Variants in BRF1 observed in about 807,000 individuals in gnomAD.
The protein encoded by BRF1 is transcription factor IIIB 90 kDa subunit.
BRF1 carries 59 observed loss-of-function variants against 81.7 expected under a neutral mutation model. That is an observed-to-expected ratio of 0.72 (90% CI 0.59 to 0.90). The LOEUF (loss-of-function observed/expected upper bound fraction) is 0.90, where lower values mean the gene tolerates loss of function less well. BRF1 is among the 40% of genes least tolerant of loss of function. The pLI is 0.00. For missense variants in BRF1, 1,050 were observed against 936.3 expected (o/e 1.12, Z -1.58); for synonymous variants, 491 against 395.6 (o/e 1.24, Z -2.86).
At chr14:105,250,870 G>C (rs2055566853) in intron 5 of BRF1, 1 of 628,230 alleles carries the variant, frequency 1.6e-6, no homozygotes, top group East Asian at 2.8e-5. Flanking sequence ...CTGGTACAGT[G>C]GGGTGCACGT....
upstream of BRF1, among the ~76,000 whole-genome samples, chr14:105,304,343 G>A (rs2058117470): frequency 6.6e-6 from 1 of 152,026 alleles, no homozygotes; most frequent in South Asian, 2.1e-4. Context: ...ACAAAAATTA[G>A]CAGGTGTGAT....
intron 14 of BRF1, 106 bp from the exon 15 acceptor site, chr14:105,217,906 A>C: frequency 1.3e-6 from 2 of 1,518,752 alleles, no homozygotes; most frequent in Non-Finnish European, 1.8e-6. Flanking sequence ...GGCCTGGCTC[A>C]GGCCCTCAGA....
intron 2 of BRF1, among the ~76,000 whole-genome samples, chr14:105,274,242 T>C (rs934088492): frequency 9.2e-5 from 14 of 152,106 alleles, no homozygotes; most frequent in Non-Finnish European, 1.6e-4. Context: ...CTCCCCACTA[T>C]CACCCTGCTC....
In BRF1 at chr14:105,211,821, A is replaced by C. The variant is rs1261875058; in HGVS notation, c.1824+292T>G. The C allele has an allele frequency of 6.0e-6, 3 of 504,088 alleles. No individual in the cohort carries two copies. The East Asian group carries it at 1.1e-4, about 18-fold the overall frequency. The allele number at this position is 504,088 out of a possible 1,614,324, so 31.2% of individuals were successfully genotyped here. Reference sequence around the variant, plus strand: ...TGACCTGGCAGTGCCTGCTTCCTACATACAGGCTCCCTGCAGGCACCAGGC... The same window carrying C: ...TGACCTGGCAGTGCCTGCTTCCTACCTACAGGCTCCCTGCAGGCACCAGGC... On this transcript the variant is annotated intron_variant, in intron 16 of 17. Coordinates refer to ENST00000547530, the MANE Select transcript of BRF1 (RefSeq NM_001519.4).
At chr14:105,305,134 C>T (rs956929606), upstream of BRF1, among the ~76,000 whole-genome samples, 6 of 152,172 alleles carry the variant, frequency 3.9e-5, no homozygotes, top group African/African-American at 1.4e-4. Context: ...GGCACAGTGG[C>T]TCACATCTGT....
At chr14:105,241,115 G>A (rs1224226789) in intron 6 of BRF1, 150 bp downstream of exon 6, 4 of 1,284,244 alleles carry the variant, frequency 3.1e-6, no homozygotes, top group Middle Eastern at 2.8e-4. Context: ...GAGGACCCCG[G>A]TGGGCCAGGC....
intron 7 of BRF1, chr14:105,226,961 AAAAT>A: frequency 1.5e-6 from 1 of 657,002 alleles, no homozygotes; most frequent in East Asian, 3.1e-5. Flanking sequence ...AAAAAAAAAA[AAAAT>A]TAGCCACGCA....
intron 1 of BRF1, among the ~76,000 whole-genome samples, chr14:105,293,468 C>T (rs755416216): frequency 1.3e-5 from 2 of 152,234 alleles, no homozygotes; most frequent in Admixed American, 6.5e-5. Context: ...TTGCACAGGA[C>T]GAGGAGGGAC....
At position 105,226,763 on chromosome 14, in the gene BRF1, AAAATGGAGCCAGACATGGG is replaced by A; in HGVS notation, c.789-22_789-4del. The A allele has an allele frequency of 6.2e-7, 1 of 1,613,404 alleles. No homozygotes were observed. The highest frequency in any genetic ancestry group is 1.7e-4 in the Middle Eastern group (1 of 6,060). The stretch of plus-strand genomic sequence containing the variant: ...GGGTGTCTTCAAATTCCGTGAGCCT[AAAATGGAGCCAGACATGGG>A]AAATGGAGCTGGTGGCTCTGAAACC... On this transcript the variant is annotated splice_region_variant and splice_polypyrimidine_tract_variant and intron_variant, in intron 7 of 17. Transcript: ENST00000547530.
At position 105,241,327 on chromosome 14, in the gene BRF1, A is replaced by C. The variant is rs1266832350; in HGVS notation, c.632T>G (p.Leu211Arg). The C allele has an allele frequency of 1.2e-6, 2 of 1,612,762 alleles. No homozygotes were observed. Among genetic ancestry groups the C allele is most frequent in the Non-Finnish European group, 1.7e-6 (2 of 1,179,926 alleles). ...CATCCAGTCCCGCTTCATCCTCTGT[A>C]GGAGCCTCAGGGCAGTCATGGACAC... ...HEVSMTALRLLQRMKRDWMHT... is the reference protein window; with the variant it reads ...HEVSMTALRLRQRMKRDWMHT... Residue 211 changes from leucine (L) to arginine (R), a missense_variant, in exon 6 of 18, where the codon CTA (leucine) becomes CGA (arginine). Leu to Arg is a moderately radical substitution (Grantham distance 102). Transcript: ENST00000547530.
In BRF1 at chr14:105,209,704, C is replaced by T. The variant is rs959906682; in HGVS notation, c.*847G>A. Reference sequence around the variant, plus strand: ...GAGCGCCACTGCCCTCTGGCTCTGTCCACGGGGAACTCCCAGCGCCAGGAC... The same window carrying T: ...GAGCGCCACTGCCCTCTGGCTCTGTTCACGGGGAACTCCCAGCGCCAGGAC... On this transcript the variant is annotated 3_prime_UTR_variant, in exon 18 of 18. Transcript: ENST00000547530. 8 of 629,644 alleles carry T rather than the reference C, an allele frequency of 1.3e-5. No homozygotes were observed. The highest frequency in any genetic ancestry group is 9.0e-5 in the African/African-American group (5 of 55,328). The allele number at this position is 629,644 out of a possible 1,614,324, so 39.0% of individuals were successfully genotyped here.
chr14:105,226,285 T>C lies in BRF1; in HGVS notation c.921A>G (p.Glu307=), dbSNP rs1362249153. 1.2e-6 allele frequency: 2 copies of C among 1,613,926 alleles called. No individual in the cohort carries two copies. The highest frequency in any genetic ancestry group is 1.7e-6 in the Non-Finnish European group (2 of 1,180,042). ...CCTCCAGTTTTTTTGACAGGACTTG[T>C]TCAAGCTGAAAGGGAACAGGGCAAG... ...GQRKLRMKQL[E]QVLSKKLEEV... is the part of the protein sequence containing the mutation. Residue 307 remains glutamate (E), a synonymous_variant, in exon 9 of 18, where the codon GAA becomes GAG. Coordinates refer to ENST00000547530, the MANE Select transcript of BRF1 (RefSeq NM_001519.4).
chr14:105,250,695 G>A (rs587691172), intron 5 of BRF1: 1 of 1,589,976 alleles, frequency 6.3e-7, no homozygotes, highest in African/African-American at 1.3e-5. Flanking sequence ...GGCTGCAGCA[G>A]GTCAGCGAGT....
intron 5 of BRF1, chr14:105,252,290 C>T (rs1373986445): frequency 2.1e-5 from 17 of 827,418 alleles, no homozygotes; most frequent in African/African-American, 5.6e-5. Context: ...CAGTGAGCTA[C>T]GATTGTGCCA....
chr14:105,281,744 CTT>C (rs201600371), intron 2 of BRF1, among the ~76,000 whole-genome samples: 4 of 144,090 alleles, frequency 2.8e-5, no homozygotes, highest in Admixed American at 7.0e-5. Context: ...AATTACAAGT[CTT>C]TTTTTTTTTT....
chr14:105,300,890 C>A lies in BRF1; in HGVS notation c.-261G>T. On this transcript the variant is annotated 5_prime_UTR_variant, in exon 1 of 18. Transcript: ENST00000547530. ...GACTGGAGCCGCGACCTCCCCACTG[C>A]GAGCGAGCTGGCCTCCCTTGCGGCG... 6.1e-6 allele frequency: 1 copy of A among 163,654 alleles called. No homozygotes were observed. Among genetic ancestry groups the A allele is most frequent in the Admixed American group, 6.4e-5 (1 of 15,666 alleles). The allele number at this position is 163,654 out of a possible 1,614,324, so 10.1% of individuals were successfully genotyped here.
chr14:105,248,435 C>G (rs587669696), intron 5 of BRF1: 4 of 985,298 alleles, frequency 4.1e-6, no homozygotes, highest in Non-Finnish European at 4.8e-6. Context: ...GCGCGCGGCT[C>G]GCGCCGGTTG....
At chr14:105,297,613 T>C (rs1197206662) in intron 1 of BRF1, among the ~76,000 whole-genome samples, 1 of 152,028 alleles carries the variant, frequency 6.6e-6, no homozygotes, top group African/African-American at 2.4e-5. Context: ...TCCCTAAATA[T>C]ATCAAGAGGT....
chr14:105,295,612 C>A (rs746060210), intron 1 of BRF1, among the ~76,000 whole-genome samples: 41 of 151,270 alleles, frequency 2.7e-4, no homozygotes, highest in Non-Finnish European at 3.7e-4. Flanking sequence ...CCTGTCTCCC[C>A]AACCAAAAAA....
Sources: gnomAD v4.1 joint callset for allele counts (sites outside exome capture counted in the v4.1 genomes callset) on GRCh38, gnomAD v4.1.1 for gene constraint, MANE v1.5 for transcripts, NCBI Gene and HGNC (gene_info 2026-07-23, HGNC 2026-07-21) for gene names.